INTS7: variants seen among roughly 807,000 people sequenced by gnomAD.
INTS7 encodes chromosome 1 open reading frame 73.
In INTS7, 46 loss-of-function variants were observed where a neutral mutation model predicts 109.2. The observed-to-expected ratio is 0.42, with a 90% CI of 0.33 to 0.54. The LOEUF (loss-of-function observed/expected upper bound fraction) is 0.54. INTS7 is among the 20% of genes least tolerant of loss of function. INTS7 has a pLI of 0.07. For synonymous variants in INTS7, 412 were observed against 402.9 expected (o/e 1.02, Z -0.27); for missense variants, 929 against 1,132.4 (o/e 0.82, Z 2.58).
intron 1 of INTS7, among the ~76,000 whole-genome samples, chr1:212,032,832 C>T (rs1011500895): frequency 1.3e-5 from 2 of 152,180 alleles, no homozygotes; most frequent in Non-Finnish European, 2.9e-5. Flanking sequence ...CAGATAACTG[C>T]ATGCAAAGGA....
At chr1:211,948,499 C>G (rs1401689330) in intron 17 of INTS7, among the ~76,000 whole-genome samples, 1 of 152,208 alleles carries the variant, frequency 6.6e-6, no homozygotes, top group Non-Finnish European at 1.5e-5. Context: ...AGGCTGTTTT[C>G]AGGCAGAAAG....
At chr1:212,020,060 T>C (rs912357227) in intron 3 of INTS7, 62 bp downstream of exon 3, 38 of 1,190,984 alleles carry the variant, frequency 3.2e-5, no homozygotes, top group Admixed American at 2.7e-4. Context: ...ATACACTGCC[T>C]TTTTTGTACA....
At chr1:211,953,574 T>C (rs1282286913) in intron 16 of INTS7, among the ~76,000 whole-genome samples, 2 of 118,186 alleles carry the variant, frequency 1.7e-5, no homozygotes, top group African/African-American at 3.3e-5. Flanking sequence ...CAACAGTCCC[T>C]AGAGTGTGAT....
chr1:212,005,136 G>A (rs1344742033), intron 7 of INTS7, among the ~76,000 whole-genome samples: 2 of 152,072 alleles, frequency 1.3e-5, no homozygotes, highest in African/African-American at 2.4e-5. Context: ...CCCATCGAGA[G>A]CAAATAAACT....
chr1:211,962,218 C>T (rs545060419), intron 16 of INTS7, among the ~76,000 whole-genome samples: 10 of 124,624 alleles, frequency 8.0e-5, no homozygotes, highest in African/African-American at 2.8e-4. Context: ...GCAGCAGTTG[C>T]AATCCTAAAT....
At chr1:211,974,272 A>T (rs199667917) in intron 13 of INTS7, among the ~76,000 whole-genome samples, 4,953 of 61,480 alleles carry the variant, frequency 0.081, 149 homozygotes, top group African/African-American at 0.13. Context: ...TCCCAGAAAA[A>T]AAAAATATAT....
In INTS7 at chr1:212,002,534, C is replaced by T. The variant is rs115488656; in HGVS notation, c.879+4105G>A. Among the ~76,000 whole-genome samples the T allele has an allele frequency of 4.3e-3, 659 of 152,324 alleles. 6 individuals are homozygous for T. The highest frequency in any genetic ancestry group is 7.4e-3 in the Non-Finnish European group (505 of 68,022). Reference sequence around the variant, plus strand: ...ACCTCCTACTAATCTCCTCTATTAACAGTCACACTGACCTCACACTCATGA... The same window carrying T: ...ACCTCCTACTAATCTCCTCTATTAATAGTCACACTGACCTCACACTCATGA... On this transcript the variant is annotated intron_variant, in intron 7 of 19. Transcript: ENST00000366994.
Position 211,961,308 on chromosome 1 carries a change from G to GA in INTS7, c.2183+5121dup, listed in dbSNP as rs577031177. Among the ~76,000 whole-genome samples the GA allele has an allele frequency of 8.9e-5, 13 of 146,634 alleles. No individual in the cohort carries two copies. The South Asian group carries it at 1.1e-3, about 12-fold the overall frequency. On this transcript the variant is annotated intron_variant, in intron 16 of 19. Coordinates refer to ENST00000366994, the MANE Select transcript of INTS7 (RefSeq NM_015434.4). The stretch of plus-strand genomic sequence containing the variant: ...ATTCTCCAAGGTCGCAATGAAAAAA[G>GA]AAAAAAAAAGGCAGCTAGAAAGGTC...
intron 7 of INTS7, among the ~76,000 whole-genome samples, chr1:211,988,789 A>T (rs1254560951): frequency 1.3e-5 from 2 of 152,196 alleles, no homozygotes; most frequent in Non-Finnish European, 2.9e-5. Context: ...TTTAAAAATA[A>T]CAGGGAATAT....
chr1:211,957,545 C>T (rs555199764), intron 16 of INTS7, among the ~76,000 whole-genome samples: 6 of 151,930 alleles, frequency 3.9e-5, no homozygotes, highest in African/African-American at 1.4e-4. Context: ...GGATCCGTCT[C>T]AAAAAAAGAA....
At chr1:211,948,004 G>A (rs942946359) in intron 17 of INTS7, among the ~76,000 whole-genome samples, 1 of 152,186 alleles carries the variant, frequency 6.6e-6, no homozygotes, top group African/African-American at 2.4e-5. Flanking sequence ...GAAGATTTGT[G>A]TCTATTTCTA....
At chr1:211,982,277 T>A (rs1664700965) in intron 9 of INTS7, among the ~76,000 whole-genome samples, 1 of 152,210 alleles carries the variant, frequency 6.6e-6, no homozygotes, top group Admixed American at 6.5e-5. Context: ...TTCACTTGCC[T>A]CTAGGTGAAA....
rs544133447 is a variant in INTS7 at position 211,976,098 on chromosome 1, G to A, written c.1608+484C>T. 1.0e-3 allele frequency among the ~76,000 whole-genome samples: 158 copies of A among 152,056 alleles called. 6 individuals carry two copies. The South Asian group carries it at 0.03, about 29-fold the overall frequency. ...ATTACATGCGTGAGCCACCCCACCC[G>A]GCCAGGATTTCTGTACTAACCAAGG... is the stretch of plus-strand genomic sequence containing the variant. On this transcript the variant is annotated intron_variant, in intron 12 of 19. Coordinates refer to ENST00000366994, the MANE Select transcript of INTS7 (RefSeq NM_015434.4).
intron 7 of INTS7, 56 bp from the exon 8 acceptor site, chr1:211,988,059 C>A: frequency 1.2e-6 from 1 of 807,206 alleles, no homozygotes; most frequent in Non-Finnish European, 2.0e-6. Flanking sequence ...TACTTCTAAA[C>A]TGTCTACTCC....
rs111734134 is a variant in INTS7 at position 211,947,922 on chromosome 1, T to C, written c.2317-1217A>G. On this transcript the variant is annotated intron_variant, in intron 17 of 19. Coordinates refer to ENST00000366994, the MANE Select transcript of INTS7 (RefSeq NM_015434.4). ...TTCTTTATTACTATTTTAATTTGTT[T>C]AAAGGTAAAGAGATCAGGCCGCCTT... Among the ~76,000 whole-genome samples the C allele has an allele frequency of 1.1e-4, 16 of 152,336 alleles. 1 individual carries two copies. The highest frequency in any genetic ancestry group is 3.8e-4 in the African/African-American group (16 of 41,578).
chr1:211,962,238 C>G (rs1663664451), intron 16 of INTS7, among the ~76,000 whole-genome samples: 1 of 94,362 alleles, frequency 1.1e-5, no homozygotes, highest in African/African-American at 4.1e-5. Flanking sequence ...TCAGACAAAA[C>G]AGACTTTAAA....
In INTS7 at chr1:211,968,776, G is replaced by A. The variant is rs972736865; in HGVS notation, c.1816-69C>T. 5 of 1,225,804 alleles carry A rather than the reference G, an allele frequency of 4.1e-6. No homozygotes were observed. In the East Asian group the frequency reaches 9.5e-5, roughly 23 times the overall value. The allele number at this position is 1,225,804 out of a possible 1,614,324, so 75.9% of individuals were successfully genotyped here. A position where few individuals can be genotyped will look rare whatever the true frequency, so the allele number is the denominator to read the frequency against. ...GAACAGTGAGATGGGGCAGTACCAA[G>A]TATTTATCAGTTTGTGGTCAAGTGC... On this transcript the variant is annotated intron_variant, in intron 13 of 19. Transcript: ENST00000366994.
intron 5 of INTS7, among the ~76,000 whole-genome samples, chr1:212,010,832 T>A (rs1666136185): frequency 6.6e-6 from 1 of 152,152 alleles, no homozygotes; most frequent in South Asian, 2.1e-4. Flanking sequence ...TAGGTTTATT[T>A]AAGTACACTC....
At chr1:211,999,838 T>C (rs1665581820) in intron 7 of INTS7, among the ~76,000 whole-genome samples, 1 of 152,212 alleles carries the variant, frequency 6.6e-6, no homozygotes, top group Non-Finnish European at 1.5e-5. Context: ...GCGTGGTGGC[T>C]CATGCCTGTA....
Sources: gnomAD v4.1 joint callset for allele counts (sites outside exome capture counted in the v4.1 genomes callset) on GRCh38, gnomAD v4.1.1 for gene constraint, MANE v1.5 for transcripts, NCBI Gene and HGNC (gene_info 2026-07-23, HGNC 2026-07-21) for gene names.